The following TFB1M variants were observed in gnomAD, a reference collection of about 807,000 sequenced individuals.
TFB1M encodes dimethyladenosine transferase 1, mitochondrial.
TFB1M carries 27 observed loss-of-function variants against 31.1 expected under a neutral mutation model. That is an observed-to-expected ratio of 0.87 (90% confidence interval 0.64 to 1.20). The LOEUF (loss-of-function observed/expected upper bound fraction) is 1.20. TFB1M is among the 50% of genes most tolerant of loss of function. The pLI, the probability that TFB1M is intolerant of heterozygous loss-of-function variation, is 0.00. For missense variants in TFB1M, 394 were observed against 418.7 expected (o/e 0.94, Z 0.51); for synonymous variants, 166 against 151.8 (o/e 1.09, Z -0.69).
chr6:155,263,035 T>A (rs909502616), intron 5 of TFB1M, among the ~76,000 whole-genome samples: 1 of 152,170 alleles, frequency 6.6e-6, no homozygotes, highest in Non-Finnish European at 1.5e-5. Context: ...TCTGTAAAAC[T>A]CAGCGTCAAC....
chr6:155,245,855 G>A, the TFB1M span: 1 of 566,328 alleles, frequency 1.8e-6, no homozygotes, highest in Non-Finnish European at 2.9e-6. Flanking sequence ...GTCCATCCTT[G>A]ACCTTGACAG....
chr6:155,243,986 G>A, the TFB1M span: 1 of 1,605,492 alleles, frequency 6.2e-7, no homozygotes, highest in Non-Finnish European at 8.5e-7. Flanking sequence ...AAGCGTTGAA[G>A]ACACTTTCTT....
At chr6:155,258,216 C>T (rs979151217) in intron 6 of TFB1M, 134 bp from the exon 7 acceptor site, 2 of 1,113,048 alleles carry the variant, frequency 1.8e-6, no homozygotes, top group Non-Finnish European at 2.6e-6. Context: ...GTGGCAGGAG[C>T]CTCTTGGATT....
intron 2 of TFB1M, among the ~76,000 whole-genome samples, chr6:155,301,180 C>A (rs1582870434): frequency 6.6e-6 from 1 of 152,156 alleles, no homozygotes; most frequent in South Asian, 2.1e-4. Flanking sequence ...CAAACCAAAT[C>A]CTCCCCACAC....
At chr6:155,301,785 C>T (rs1777440819) in intron 2 of TFB1M, among the ~76,000 whole-genome samples, 1 of 152,138 alleles carries the variant, frequency 6.6e-6, no homozygotes, top group South Asian at 2.1e-4. Flanking sequence ...AACACAAGAG[C>T]TAACAATCCT....
the TFB1M span, among the ~76,000 whole-genome samples, chr6:155,242,825 T>A: frequency 6.6e-6 from 1 of 152,082 alleles, no homozygotes; most frequent in Non-Finnish European, 1.5e-5. Flanking sequence ...AACCTCCACC[T>A]CCTGAGTTCA....
chr6:155,298,606 T>A (rs1777290155), intron 2 of TFB1M, 21 bp from the exon 3 acceptor site: 2 of 1,471,834 alleles, frequency 1.4e-6, no homozygotes, highest in Admixed American at 1.7e-5. Context: ...AAAAGATCAG[T>A]AAAATGAGCT....
At chr6:155,295,638 T>G (rs1777136071) in intron 4 of TFB1M, among the ~76,000 whole-genome samples, 1 of 152,146 alleles carries the variant, frequency 6.6e-6, no homozygotes, top group Non-Finnish European at 1.5e-5. Context: ...AAGTCATCCA[T>G]GTACATTATA....
At chr6:155,283,129 A>C (rs1375918921) in intron 5 of TFB1M, among the ~76,000 whole-genome samples, 1 of 152,184 alleles carries the variant, frequency 6.6e-6, no homozygotes. Context: ...TGGTAAAACT[A>C]CTTCAAAGCA....
At chr6:155,235,208 C>T in the TFB1M span, among the ~76,000 whole-genome samples, 7 of 152,242 alleles carry the variant, frequency 4.6e-5, no homozygotes. Context: ...GCCTTGTGCA[C>T]AGCAGCTGCT....
the TFB1M span, among the ~76,000 whole-genome samples, chr6:155,234,321 A>G: frequency 6.6e-6 from 1 of 152,164 alleles, no homozygotes; most frequent in African/African-American, 2.4e-5. Flanking sequence ...ACTTTTAGAG[A>G]TAGAGCCTCA....
At chr6:155,240,589 G>A in the TFB1M span, 1 of 1,614,172 alleles carries the variant, frequency 6.2e-7, no homozygotes, top group Non-Finnish European at 8.5e-7. Flanking sequence ...CCAACGGCAT[G>A]GAAGGACCGC....
At chr6:155,230,461 C>T in the TFB1M span, among the ~76,000 whole-genome samples, 2 of 152,288 alleles carry the variant, frequency 1.3e-5, no homozygotes, top group South Asian at 2.1e-4. Context: ...GTTGTGTTTC[C>T]GTAGGACCCC....
At chr6:155,303,591 T>C (rs768234453) in intron 2 of TFB1M, 31 of 152,230 alleles carry the variant, frequency 2.0e-4, no homozygotes, top group Admixed American at 1.9e-3. Context: ...GTAAAGTAAA[T>C]AGTTACGTCA....
chr6:155,254,403 C>T (rs201043821), downstream of TFB1M: 3 of 1,608,046 alleles, frequency 1.9e-6, no homozygotes, highest in African/African-American at 4.0e-5. Context: ...GCTGTTTTCT[C>T]TCCCCCCCCA....
At chr6:155,250,904 A>T in the TFB1M span, 1 of 1,613,650 alleles carries the variant, frequency 6.2e-7, no homozygotes. Context: ...TCCTGTTTTT[A>T]CAATCTAGGT....
chr6:155,306,385 A>C (rs925178653), intron 2 of TFB1M, among the ~76,000 whole-genome samples: 6 of 152,222 alleles, frequency 3.9e-5, no homozygotes, highest in African/African-American at 1.4e-4. Flanking sequence ...ACTCAAGAGA[A>C]ATGGAAGTGT....
chr6:155,271,734 CATTAT>C (rs1462387273), intron 5 of TFB1M, among the ~76,000 whole-genome samples: 1 of 152,098 alleles, frequency 6.6e-6, no homozygotes, highest in East Asian at 1.9e-4. Context: ...TAAAATAATA[CATTAT>C]ATCTTTCAAC....
Position 155,260,375 on chromosome 6 carries a change from G to A in TFB1M, c.692C>T (p.Thr231Ile), listed in dbSNP as rs759897364. The change falls in exon 6 of 7, where the codon ACT becomes ATT. Residue 231 changes from threonine to isoleucine, a missense_variant. Thr to Ile is a moderately conservative substitution (Grantham distance 89, BLOSUM62 -1). Transcript: ENST00000367166. ...PEVDVGVVHF[T>I]PLIQPKIEQP... ...CTCTATCTTGGGCTGTATCAAGGGA[G>A]TGAAGTGCACCACGCCCACGTCCAC... 5.6e-6 allele frequency: 9 copies of A among 1,614,094 alleles called. No homozygotes were observed. The highest frequency in any genetic ancestry group is 1.7e-5 in the Admixed American group (1 of 60,002).
Sources: allele counts gnomAD v4.1 joint callset (sites outside exome capture counted in the v4.1 genomes callset), GRCh38; gene constraint gnomAD v4.1.1; transcripts MANE v1.5; gene names NCBI Gene and HGNC (gene_info 2026-07-23, HGNC 2026-07-21).